Variants in MGAT4A observed in about 807,000 individuals in gnomAD.
MGAT4A encodes N-acetylglucosaminyltransferase IVa.
Under a neutral mutation model 74.1 loss-of-function variants are expected in MGAT4A, and 33 were observed. That is an observed-to-expected ratio of 0.45 (90% confidence interval 0.34 to 0.60). MGAT4A has a LOEUF of 0.60. Ranked by LOEUF, MGAT4A falls within the 20% of genes least tolerant of loss-of-function variation. The pLI, the probability that MGAT4A is intolerant of heterozygous loss-of-function variation, is 0.02. For synonymous variants in MGAT4A, 198 were observed against 210.4 expected, an observed-to-expected ratio of 0.94 and a Z score of 0.51; for missense variants, 479 against 628.3, an observed-to-expected ratio of 0.76 and a Z score of 2.54.
intron 14 of MGAT4A, among the ~76,000 whole-genome samples, chr2:98,630,339 C>T (rs1334220479): frequency 6.6e-6 from 1 of 152,148 alleles, no homozygotes; most frequent in Non-Finnish European, 1.5e-5. Flanking sequence ...CTGTAGACCA[C>T]AGAAAGATAT....
At chr2:98,693,861 C>T (rs1057233159) in intron 2 of MGAT4A, among the ~76,000 whole-genome samples, 2 of 152,086 alleles carry the variant, frequency 1.3e-5, no homozygotes, top group Non-Finnish European at 2.9e-5. Context: ...AAAAACACTA[C>T]AGATGCATCA....
At chr2:98,682,764 G>A (rs1702079095) in intron 2 of MGAT4A, among the ~76,000 whole-genome samples, 6 of 151,992 alleles carry the variant, frequency 3.9e-5, no homozygotes, top group Admixed American at 3.9e-4. Context: ...AGGAAACATC[G>A]GACACATCCA....
intron 10 of MGAT4A, among the ~76,000 whole-genome samples, chr2:98,641,910 G>A (rs1701417071): frequency 6.6e-6 from 1 of 151,436 alleles, no homozygotes; most frequent in African/African-American, 2.4e-5. Context: ...CAGGAGAATC[G>A]CTTGAACCTG....
chr2:98,728,913 C>T (rs187194097), intron 1 of MGAT4A, among the ~76,000 whole-genome samples: 10 of 152,174 alleles, frequency 6.6e-5, no homozygotes, highest in Admixed American at 5.9e-4. Flanking sequence ...CTTTCAGCTG[C>T]TATCTACTTA....
chr2:98,665,667 A>C (rs1701819314), intron 4 of MGAT4A, among the ~76,000 whole-genome samples: 1 of 152,280 alleles, frequency 6.6e-6, no homozygotes, highest in African/African-American at 2.4e-5. Flanking sequence ...CATTCTAGAA[A>C]GGGGAAAAAG....
At chr2:98,678,142 A>AT (rs1702003323) in intron 3 of MGAT4A, among the ~76,000 whole-genome samples, 162 bp downstream of exon 3, 1 of 150,812 alleles carries the variant, frequency 6.6e-6, no homozygotes, top group Non-Finnish European at 1.5e-5. Flanking sequence ...AGGCAGAAGA[A>AT]TGGTGTGAAC....
chr2:98,693,679 CA>C (rs202080554), intron 2 of MGAT4A, among the ~76,000 whole-genome samples: 3,872 of 101,396 alleles, frequency 0.038, 63 homozygotes, highest in African/African-American at 0.076. Flanking sequence ...GAGCTTCTCT[CA>C]AAAAAAAAAA....
chr2:98,706,577 G>A (rs906313901), intron 2 of MGAT4A, among the ~76,000 whole-genome samples: 6 of 150,670 alleles, frequency 4.0e-5, no homozygotes, highest in African/African-American at 1.5e-4. Flanking sequence ...ATCCACCCGC[G>A]TCGGCCTCCC....
chr2:98,659,362 T>C (rs1293103146), intron 5 of MGAT4A, among the ~76,000 whole-genome samples: 3 of 151,898 alleles, frequency 2.0e-5, no homozygotes, highest in African/African-American at 4.8e-5. Flanking sequence ...CCAGACATCA[T>C]CCTCCTCCTA....
rs570144713 is a variant in MGAT4A at position 98,669,459 on chromosome 2, ATC to A, written c.403+5574_403+5575del. ...ACGTGGAACTGTTAAGTCCAATTAAATCTCTTTCTTTTGTAAATTGCCCAGTC... is the reference window on the plus strand; with the variant it reads ...ACGTGGAACTGTTAAGTCCAATTAAATCTTTCTTTTGTAAATTGCCCAGTC... On this transcript the variant is annotated intron_variant, in intron 4 of 15. Coordinates refer to ENST00000393487, the MANE Select transcript of MGAT4A (RefSeq NM_012214.3). 4.6e-5 allele frequency among the ~76,000 whole-genome samples: 7 copies of A among 152,206 alleles called. No individual in the cohort carries two copies. In the East Asian group the frequency reaches 7.7e-4, roughly 17 times the overall value.
intron 14 of MGAT4A, among the ~76,000 whole-genome samples, chr2:98,633,978 C>T (rs541491292): frequency 3.9e-5 from 6 of 152,300 alleles, no homozygotes; most frequent in Admixed American, 3.3e-4. Context: ...CTGAATGATA[C>T]TTACCAAAGG....
At chr2:98,665,856 C>G (rs1489042455) in intron 4 of MGAT4A, among the ~76,000 whole-genome samples, 1 of 152,172 alleles carries the variant, frequency 6.6e-6, no homozygotes, top group Non-Finnish European at 1.5e-5. Flanking sequence ...AGCAACAAGG[C>G]CCTGAAGCCA....
chr2:98,665,340 A>AAAAG, intron 4 of MGAT4A, among the ~76,000 whole-genome samples: 1 of 151,214 alleles, frequency 6.6e-6, no homozygotes, highest in East Asian at 1.9e-4. Context: ...TCTCAAAAAA[A>AAAAG]AAAAAAAAAA....
intron 2 of MGAT4A, among the ~76,000 whole-genome samples, chr2:98,718,159 A>G (rs1702616864): frequency 6.6e-6 from 1 of 151,942 alleles, no homozygotes; most frequent in South Asian, 2.1e-4. Context: ...ATTTTCTCCC[A>G]TATTTCAACA....
At chr2:98,687,737 T>C (rs909926323) in intron 2 of MGAT4A, among the ~76,000 whole-genome samples, 1 of 150,698 alleles carries the variant, frequency 6.6e-6, no homozygotes, top group African/African-American at 2.4e-5. Context: ...TATTTCTCCA[T>C]GTGAATGGTT....
chr2:98,676,549 T>C (rs534526844), intron 3 of MGAT4A, among the ~76,000 whole-genome samples: 1 of 152,162 alleles, frequency 6.6e-6, no homozygotes, highest in South Asian at 2.1e-4. Flanking sequence ...CTAATGAAAA[T>C]AACTTAAAGG....
rs927501254 is a variant in MGAT4A at position 98,672,278 on chromosome 2, G to A, written c.403+2757C>T. On this transcript the variant is annotated intron_variant, in intron 4 of 15. Transcript: ENST00000393487. ...CGGTAATTAAAGTTATAATTATACA[G>A]TTGTTTGTATAATTGACTATGTGAC... Among the ~76,000 whole-genome samples, 3 of 152,150 alleles carry A rather than the reference G, an allele frequency of 2.0e-5. No individual in the cohort carries two copies. In the South Asian group the frequency reaches 6.2e-4, roughly 32 times the overall value.
rs528194091 is a variant in MGAT4A at position 98,704,112 on chromosome 2, G to T, written c.94+22127C>A. ...TACCTATCTTGTTTACCATGAAATC[G>T]CCAGTGCCTAGTGGATCACCACCTA... On this transcript the variant is annotated intron_variant, in intron 2 of 15. Transcript: ENST00000393487. Among the ~76,000 whole-genome samples the T allele has an allele frequency of 2.0e-5, 3 of 152,188 alleles. No homozygotes were observed. The East Asian group carries it at 5.8e-4, about 29-fold the overall frequency.
chr2:98,645,326 C>A, intron 9 of MGAT4A, 102 bp downstream of exon 9: 1 of 828,770 alleles, frequency 1.2e-6, no homozygotes, highest in South Asian at 2.2e-5. Flanking sequence ...AACCCATTTC[C>A]ATAGGAAAAA....
Sources: gnomAD v4.1 joint callset for allele counts (sites outside exome capture counted in the v4.1 genomes callset) on GRCh38, gnomAD v4.1.1 for gene constraint, MANE v1.5 for transcripts, NCBI Gene and HGNC (gene_info 2026-07-23, HGNC 2026-07-21) for gene names.